The following CA5A variants were observed in gnomAD, a reference collection of about 807,000 sequenced individuals.
The protein encoded by CA5A is carbonic anhydrase 5A, mitochondrial.
In CA5A, 28 loss-of-function variants were observed where a neutral mutation model predicts 37.1. That is an observed-to-expected ratio of 0.75 (90% CI 0.56 to 1.03). The LOEUF (loss-of-function observed/expected upper bound fraction) is 1.03. Ranked by LOEUF, CA5A falls within the 50% of genes least tolerant of loss-of-function variation. The pLI, the probability that CA5A is intolerant of heterozygous loss-of-function variation, is 0.00. For missense variants in CA5A, 444 were observed against 399.9 expected, an observed-to-expected ratio of 1.11 and a Z score of -0.94; for synonymous variants, 171 against 158.4, an observed-to-expected ratio of 1.08 and a Z score of -0.60.
At chr16:87,922,672 G>A (rs2056247334) in intron 2 of CA5A, among the ~76,000 whole-genome samples, 1 of 152,252 alleles carries the variant, frequency 6.6e-6, no homozygotes, top group Admixed American at 6.5e-5. Flanking sequence ...GCCCGTCTGG[G>A]CCCTGGGCCA....
chr16:87,888,662 G>A (rs1379474360), intron 6 of CA5A, among the ~76,000 whole-genome samples: 1 of 152,176 alleles, frequency 6.6e-6, no homozygotes, highest in East Asian at 1.9e-4. Context: ...AGTCCCAGCT[G>A]ACACTGGGCT....
At position 87,936,298 on chromosome 16, in the gene CA5A, G is replaced by C; in HGVS notation, c.142+11C>G. The stretch of plus-strand genomic sequence containing the variant: ...CCAGTCGCATCTTAGGAAATTTGAG[G>C]CTCTACTTACAAGTGTTATTGCTGG... On this transcript the variant is annotated intron_variant, in intron 1 of 6. Coordinates refer to ENST00000649794, the MANE Select transcript of CA5A (RefSeq NM_001739.2). 6.3e-7 allele frequency: 1 copy of C among 1,598,838 alleles called. No individual in the cohort carries two copies. The highest frequency in any genetic ancestry group is 8.6e-7 in the Non-Finnish European group (1 of 1,166,558).
In CA5A at chr16:87,920,029, A is replaced by G. The variant is rs537116119; in HGVS notation, c.340+6719T>C. On this transcript the variant is annotated intron_variant, in intron 2 of 6. Coordinates refer to ENST00000649794, the MANE Select transcript of CA5A (RefSeq NM_001739.2). ...AGCATTCCCCATCCATGGACTCAGGAGGGCCGGGCTTACCTGGGACCACTT... is the reference window on the plus strand; with the variant it reads ...AGCATTCCCCATCCATGGACTCAGGGGGGCCGGGCTTACCTGGGACCACTT... 2.8e-4 allele frequency among the ~76,000 whole-genome samples: 43 copies of G among 152,256 alleles called. No homozygotes were observed. In the South Asian group the frequency reaches 8.7e-3, roughly 31 times the overall value.
rs186311514 is a variant in CA5A at position 87,917,788 on chromosome 16, G to A, written c.340+8960C>T. ...TGCACATGTGCACACATGCACACATGTATACACAGTGCACATGTGCACACA... is the reference window on the plus strand; with the variant it reads ...TGCACATGTGCACACATGCACACATATATACACAGTGCACATGTGCACACA... On this transcript the variant is annotated intron_variant, in intron 2 of 6. Coordinates refer to ENST00000649794, the MANE Select transcript of CA5A (RefSeq NM_001739.2). Among the ~76,000 whole-genome samples the A allele has an allele frequency of 3.3e-5, 3 of 91,330 alleles. No homozygotes were observed. The East Asian group carries it at 1.0e-3, about 30-fold the overall frequency. The allele number at this position is 91,330 out of a possible 152,430, so 59.9% of individuals were successfully genotyped here.
intron 1 of CA5A, among the ~76,000 whole-genome samples, chr16:87,932,808 C>G (rs13335694): frequency 0.2 from 30,534 of 152,154 alleles, 3,161 homozygotes; most frequent in South Asian, 0.24. Context: ...GATGGTGGTT[C>G]AGCAAATCTC....
intron 5 of CA5A, among the ~76,000 whole-genome samples, chr16:87,895,693 C>G (rs1319078017): frequency 6.6e-6 from 1 of 152,056 alleles, no homozygotes; most frequent in African/African-American, 2.4e-5. Flanking sequence ...TACTTTTTAG[C>G]TATGGTCCCC....
intron 1 of CA5A, among the ~76,000 whole-genome samples, chr16:87,935,508 T>G (rs1329160709): frequency 1.3e-5 from 2 of 152,282 alleles, no homozygotes; most frequent in African/African-American, 4.8e-5. Context: ...ACCCGCCTGC[T>G]CCCAGCATCT....
intron 6 of CA5A, among the ~76,000 whole-genome samples, chr16:87,891,140 TTC>T (rs2055707328): frequency 7.4e-6 from 1 of 135,048 alleles, no homozygotes; most frequent in Non-Finnish European, 1.6e-5. Flanking sequence ...TTAATTAATT[TTC>T]GAAAAAAAAA....
intron 2 of CA5A, among the ~76,000 whole-genome samples, chr16:87,913,053 G>C (rs1250293996): frequency 6.6e-6 from 1 of 150,450 alleles, no homozygotes; most frequent in East Asian, 2.0e-4. Context: ...GTACAATCTT[G>C]GCTCACTGCA....
chr16:87,924,162 G>A (rs1052476035), intron 2 of CA5A: 6 of 985,286 alleles, frequency 6.1e-6, no homozygotes, highest in African/African-American at 1.7e-5. Flanking sequence ...CTTCTTCTCC[G>A]AGCTGGTCTT....
chr16:87,901,853 C>T, intron 5 of CA5A, 59 bp downstream of exon 5: 3 of 1,462,438 alleles, frequency 2.1e-6, no homozygotes, highest in Non-Finnish European at 2.9e-6. Context: ...TCCCAAAGTG[C>T]TGGGATTACA....
At chr16:87,885,925 T>A (rs552283646), downstream of CA5A, 4 of 152,286 alleles carry the variant, frequency 2.6e-5, no homozygotes, top group African/African-American at 9.6e-5. Flanking sequence ...AGGCAAAGGC[T>A]CTTCAGACCT....
At chr16:87,934,614 G>A (rs2056447041) in intron 1 of CA5A, among the ~76,000 whole-genome samples, 2 of 151,990 alleles carry the variant, frequency 1.3e-5, no homozygotes, top group South Asian at 4.2e-4. Context: ...ATAGAGCAGT[G>A]GGGCCAAGAT....
At chr16:87,930,128 G>C (rs1412860583) in intron 1 of CA5A, among the ~76,000 whole-genome samples, 1 of 152,064 alleles carries the variant, frequency 6.6e-6, no homozygotes, top group South Asian at 2.1e-4. Flanking sequence ...TCTGCTAGGG[G>C]TCTGCTGTCT....
chr16:87,904,628 G>A (rs867527488), intron 3 of CA5A, among the ~76,000 whole-genome samples, 158 bp downstream of exon 3: 4 of 152,200 alleles, frequency 2.6e-5, no homozygotes, highest in Admixed American at 1.3e-4. Context: ...GTGACTAAAC[G>A]GGTGGGGCGG....
chr16:87,906,231 C>CCTCATGTCACCCGCCTTG (rs1555521096), intron 2 of CA5A, among the ~76,000 whole-genome samples: 1 of 147,998 alleles, frequency 6.8e-6, no homozygotes, highest in Non-Finnish European at 1.5e-5. Flanking sequence ...TGTGGAGGAG[C>CCTCATGTCACCCGCCTTG]CTCATGTCAC....
intron 1 of CA5A, among the ~76,000 whole-genome samples, chr16:87,933,084 A>G (rs935783895): frequency 2.4e-4 from 36 of 152,336 alleles, no homozygotes; most frequent in African/African-American, 6.3e-4. Flanking sequence ...GCCCAGCCCA[A>G]CCACGGTCAG....
chr16:87,923,803 C>T (rs1181236686), intron 2 of CA5A: 2 of 985,160 alleles, frequency 2.0e-6, no homozygotes, highest in Admixed American at 6.2e-5. Context: ...AAAAATTATC[C>T]AGGAGGAATA....
At chr16:87,926,041 G>A (rs2076486410) in intron 2 of CA5A, among the ~76,000 whole-genome samples, 1 of 152,148 alleles carries the variant, frequency 6.6e-6, no homozygotes, top group Non-Finnish European at 1.5e-5. Flanking sequence ...TGGCCAACAT[G>A]GCGACATCCC....
Sources: allele counts gnomAD v4.1 joint callset (sites outside exome capture counted in the v4.1 genomes callset), GRCh38; gene constraint gnomAD v4.1.1; transcripts MANE v1.5; gene names NCBI Gene and HGNC (gene_info 2026-07-23, HGNC 2026-07-21).